Variants in B3GALT1 observed in about 807,000 individuals in gnomAD.
B3GALT1 encodes the protein beta-1,3-galactosyltransferase 1.
Under a neutral mutation model 23.2 loss-of-function variants are expected in B3GALT1, and 10 were observed. The ratio of observed to expected loss-of-function variants is 0.43; its 90% CI spans 0.27 to 0.73. B3GALT1 has a LOEUF of 0.73. B3GALT1 is among the 30% of genes least tolerant of loss of function. The pLI is 0.21. For missense variants in B3GALT1, 299 were observed against 405.4 expected, an observed-to-expected ratio of 0.74 and a Z score of 2.25; for synonymous variants, 156 against 141.5, an observed-to-expected ratio of 1.10 and a Z score of -0.73.
At chr2:167,659,531 A>G (rs1359363528) in intron 3 of B3GALT1, among the ~76,000 whole-genome samples, 1 of 152,106 alleles carries the variant, frequency 6.6e-6, no homozygotes, top group Non-Finnish European at 1.5e-5. Context: ...CATACATTGT[A>G]CGGAGTCAGG....
At chr2:167,539,706 T>C (rs993861161) in intron 2 of B3GALT1, among the ~76,000 whole-genome samples, 1 of 152,130 alleles carries the variant, frequency 6.6e-6, no homozygotes, top group African/African-American at 2.4e-5. Context: ...AAAATAGCCT[T>C]CTTTCTATTT....
chr2:167,735,143 G>T (rs1035425709), intron 3 of B3GALT1, among the ~76,000 whole-genome samples: 1 of 152,208 alleles, frequency 6.6e-6, no homozygotes, highest in South Asian at 2.1e-4. Flanking sequence ...AGGCTTAAGC[G>T]AAGCATTAAA....
intron 1 of B3GALT1, among the ~76,000 whole-genome samples, chr2:167,335,692 T>C (rs1470180285): frequency 6.6e-6 from 1 of 152,200 alleles, no homozygotes; most frequent in Non-Finnish European, 1.5e-5. Flanking sequence ...TAATGCATTA[T>C]AATTAGTGTA....
intron 1 of B3GALT1, among the ~76,000 whole-genome samples, chr2:167,372,413 A>C (rs1280546238): frequency 4.6e-5 from 7 of 152,100 alleles, no homozygotes; most frequent in Non-Finnish European, 1.0e-4. Flanking sequence ...ATGGTGAACT[A>C]TTAGATGATT....
rs150174290 is a variant in B3GALT1, at chr2:167,471,664, A to G, written c.-510-18513A>G. Among the ~76,000 whole-genome samples, 334 of 152,328 alleles carry G rather than the reference A, an allele frequency of 2.2e-3. 3 individuals are homozygous for G. Among genetic ancestry groups the G allele is most frequent in the African/African-American group, 7.6e-3 (317 of 41,578 alleles). ...TTATAAGATTATTCAACAGTATAAA[A>G]AAAATGAAAACACTGCCTAATGTAA... is the stretch of plus-strand genomic sequence containing the variant. On this transcript the variant is annotated intron_variant, in intron 1 of 4. Coordinates refer to ENST00000392690, the MANE Select transcript of B3GALT1 (RefSeq NM_020981.4).
intron 2 of B3GALT1, among the ~76,000 whole-genome samples, chr2:167,541,326 T>C (rs942858734): frequency 3.3e-5 from 5 of 152,184 alleles, no homozygotes; most frequent in African/African-American, 1.2e-4. Context: ...CACATCTAAA[T>C]ACTAATTTAT....
intron 1 of B3GALT1, among the ~76,000 whole-genome samples, chr2:167,466,171 T>A (rs1574091262): frequency 6.6e-6 from 1 of 152,238 alleles, no homozygotes; most frequent in East Asian, 1.9e-4. Context: ...GCTTCATTGA[T>A]GTGTCCTGGG....
intron 1 of B3GALT1, among the ~76,000 whole-genome samples, chr2:167,378,977 G>A (rs1697803390): frequency 6.6e-6 from 1 of 152,100 alleles, no homozygotes; most frequent in Non-Finnish European, 1.5e-5. Context: ...TTTTCATGTA[G>A]ACAGGATTTT....
intron 2 of B3GALT1, among the ~76,000 whole-genome samples, chr2:167,568,692 C>G (rs1014732283): frequency 6.6e-6 from 1 of 151,938 alleles, no homozygotes; most frequent in Non-Finnish European, 1.5e-5. Flanking sequence ...TTCTCATTCT[C>G]TTGACATTGT....
At chr2:167,367,147 C>T (rs1697600822) in intron 1 of B3GALT1, among the ~76,000 whole-genome samples, 1 of 152,138 alleles carries the variant, frequency 6.6e-6, no homozygotes, top group South Asian at 2.1e-4. Flanking sequence ...GAGACGTATA[C>T]ATTTTTTGGA....
chr2:167,510,360 GA>G (rs1269304202), intron 2 of B3GALT1, among the ~76,000 whole-genome samples: 1 of 146,672 alleles, frequency 6.8e-6, no homozygotes, highest in Non-Finnish European at 1.5e-5. Context: ...TAATTTATGT[GA>G]TTTTTTAATG....
At chr2:167,616,741 T>C (rs540702957) in intron 2 of B3GALT1, among the ~76,000 whole-genome samples, 43 of 152,052 alleles carry the variant, frequency 2.8e-4, no homozygotes, top group Middle Eastern at 3.4e-3. Context: ...ACTGAAATGT[T>C]AATGGTAATT....
At position 167,422,029 on chromosome 2, in the gene B3GALT1, G is replaced by T. The variant is rs755388861; in HGVS notation, c.-510-68148G>T. ...TGTTTGGAAATGGGGCCTCTAGGAG[G>T]TAATTAGCTTATGAGGGTAGAGGAG... On this transcript the variant is annotated intron_variant, in intron 1 of 4. Transcript: ENST00000392690. Among the ~76,000 whole-genome samples the T allele has an allele frequency of 6.3e-4, 94 of 150,158 alleles. 1 individual carries two copies. Among genetic ancestry groups the T allele is most frequent in the Admixed American group, 2.0e-4 (3 of 15,076 alleles).
chr2:167,702,493 C>T (rs1686896528), intron 3 of B3GALT1, among the ~76,000 whole-genome samples: 1 of 152,120 alleles, frequency 6.6e-6, no homozygotes, highest in South Asian at 2.1e-4. Context: ...ACATTCTATG[C>T]ATTTTTAATG....
rs1690330566 is a variant in B3GALT1, at chr2:167,870,764, T to C, written c.*744T>C. The C allele has an allele frequency of 6.0e-6, 1 of 166,986 alleles. No homozygotes were observed. The highest frequency in any genetic ancestry group is 1.5e-5 in the Non-Finnish European group (1 of 68,110). 10.3% of individuals were successfully genotyped at this position (166,986 alleles called of 1,614,324 possible). ...CTCTTTCAGAACAAACATTAAATGG[T>C]GCCTCCAAGGAAACTTTGCCAAATA... On this transcript the variant is annotated 3_prime_UTR_variant, in exon 5 of 5. Transcript: ENST00000392690.
intron 3 of B3GALT1, among the ~76,000 whole-genome samples, chr2:167,654,510 T>C (rs1226900): frequency 0.18 from 26,290 of 144,264 alleles, 2,585 homozygotes; most frequent in East Asian, 0.44. Flanking sequence ...TCTCTCTTTC[T>C]TTTTTTTGAG....
intron 3 of B3GALT1, among the ~76,000 whole-genome samples, chr2:167,667,688 C>A (rs9653284): frequency 0.38 from 57,593 of 152,054 alleles, 12,069 homozygotes; most frequent in Middle Eastern, 0.55. Context: ...CTTCTCGCTT[C>A]ATTTCATTCA....
chr2:167,525,085 A>G (rs1392002916), intron 2 of B3GALT1, among the ~76,000 whole-genome samples: 2 of 152,126 alleles, frequency 1.3e-5, no homozygotes, highest in Admixed American at 6.6e-5. Context: ...CTTTGATAAA[A>G]TGGTAGGTAT....
intron 2 of B3GALT1, among the ~76,000 whole-genome samples, chr2:167,631,222 TG>T (rs1425518033): frequency 6.6e-6 from 1 of 151,898 alleles, no homozygotes; most frequent in Non-Finnish European, 1.5e-5. Context: ...CAGGGCATCA[TG>T]TTCTGAAACC....
Sources: allele counts gnomAD v4.1 joint callset (sites outside exome capture counted in the v4.1 genomes callset), GRCh38; gene constraint gnomAD v4.1.1; transcripts MANE v1.5; gene names NCBI Gene and HGNC (gene_info 2026-07-23, HGNC 2026-07-21).